The following DCP1B variants were observed in gnomAD, a reference collection of about 807,000 sequenced individuals.
The protein encoded by DCP1B is mRNA-decapping enzyme 1B.
A neutral mutation model predicts 60.5 loss-of-function variants in DCP1B; 47 were observed. The observed-to-expected ratio is 0.78, with a 90% CI of 0.61 to 0.99. DCP1B has a LOEUF of 0.99. DCP1B is among the 50% of genes least tolerant of loss of function. The pLI is 0.00. For missense variants in DCP1B, 725 were observed against 756.8 expected, an observed-to-expected ratio of 0.96 and a Z score of 0.49; for synonymous variants, 267 against 280.3, an observed-to-expected ratio of 0.95 and a Z score of 0.47.
chr12:1,951,821 G>A (rs962332272), intron 7 of DCP1B, among the ~76,000 whole-genome samples: 10 of 152,304 alleles, frequency 6.6e-5, no homozygotes, highest in African/African-American at 2.4e-4. Context: ...ATTTACTGTG[G>A]ACTGAAAAAC....
At chr12:1,952,335 G>A (rs2030704874) in intron 7 of DCP1B, 81 bp downstream of exon 7, 3 of 1,326,990 alleles carry the variant, frequency 2.3e-6, no homozygotes, top group East Asian at 4.9e-5. Context: ...CACCAAGCCT[G>A]GCTACTTTTT....
chr12:1,982,744 T>C (rs758483607), intron 3 of DCP1B, among the ~76,000 whole-genome samples: 5 of 152,146 alleles, frequency 3.3e-5, no homozygotes, highest in Non-Finnish European at 5.9e-5. Context: ...GATCAATAAT[T>C]TTCTTTTCTT....
intron 7 of DCP1B, 125 bp downstream of exon 7, chr12:1,952,291 A>G: frequency 4.2e-6 from 5 of 1,194,820 alleles, no homozygotes; most frequent in Non-Finnish European, 5.6e-6. Flanking sequence ...CTCCCACCTC[A>G]GCCTCCTCAG....
At position 1,970,141 on chromosome 12, in the gene DCP1B, T is replaced by C. The variant is rs1441678579; in HGVS notation, c.320-2231A>G. On this transcript the variant is annotated intron_variant, in intron 3 of 8. Coordinates refer to ENST00000280665, the MANE Select transcript of DCP1B (RefSeq NM_152640.5). ...ATGCCAAGAAAACTGTTGATACAAA[T>C]AGAAAAGCAGTTTGACAGTGTCATC... is the stretch of plus-strand genomic sequence containing the variant. Among the ~76,000 whole-genome samples, 4 of 152,088 alleles carry C rather than the reference T, an allele frequency of 2.6e-5. No individual in the cohort carries two copies. The East Asian group carries it at 7.7e-4, about 29-fold the overall frequency.
At chr12:1,981,473 G>A (rs1378205751) in intron 3 of DCP1B, among the ~76,000 whole-genome samples, 1 of 152,208 alleles carries the variant, frequency 6.6e-6, no homozygotes, top group Non-Finnish European at 1.5e-5. Flanking sequence ...CACTCTAACA[G>A]AGAAGCCAGG....
Position 1,946,068 on chromosome 12 carries a change from G to A in DCP1B, c.*138C>T. On this transcript the variant is annotated 3_prime_UTR_variant, in exon 9 of 9. Coordinates refer to ENST00000280665, the MANE Select transcript of DCP1B (RefSeq NM_152640.5). Reference sequence around the variant, plus strand: ...AACACTTGAGTATAAAAAAAAGTCTGAAACATTTTACTTCATATTACACAT... The same window carrying A: ...AACACTTGAGTATAAAAAAAAGTCTAAAACATTTTACTTCATATTACACAT... The A allele has an allele frequency of 1.6e-6, 1 of 627,130 alleles. No homozygotes were observed. Among genetic ancestry groups the A allele is most frequent in the Middle Eastern group, 3.3e-4 (1 of 2,996 alleles). 38.8% of individuals were successfully genotyped at this position (627,130 alleles called of 1,614,324 possible). A position where few individuals can be genotyped will look rare whatever the true frequency, so the allele number is the denominator to read the frequency against.
chr12:1,970,444 C>T (rs1300563530), intron 3 of DCP1B, among the ~76,000 whole-genome samples: 1 of 152,156 alleles, frequency 6.6e-6, no homozygotes, highest in African/African-American at 2.4e-5. Context: ...GTTCTGGCTA[C>T]CGAAAAGAGG....
intron 7 of DCP1B, chr12:1,950,293 C>T (rs2030615735): frequency 1.4e-6 from 1 of 702,166 alleles, no homozygotes; most frequent in Middle Eastern, 2.3e-4. Flanking sequence ...AGTGATGCTC[C>T]CGGAGGTGGA....
At chr12:1,991,454 A>G (rs111235089) in intron 3 of DCP1B, 6,321 of 220,808 alleles carry the variant, frequency 0.029, 158 homozygotes, top group Middle Eastern at 0.062. Flanking sequence ...CAAAGAAGCA[A>G]GTGAAATTAA....
At chr12:1,992,382 C>G (rs967590214) in intron 3 of DCP1B, 1 of 153,736 alleles carries the variant, frequency 6.5e-6, no homozygotes, top group Non-Finnish European at 1.4e-5. Context: ...TAAAATTACA[C>G]TGAATAGTAT....
At chr12:1,942,388 G>A (rs140487005), downstream of DCP1B, among the ~76,000 whole-genome samples, 408 of 152,110 alleles carry the variant, frequency 2.7e-3, 2 homozygotes, top group African/African-American at 9.1e-3. Flanking sequence ...TCAATGAGAC[G>A]GAAAATTAAC....
chr12:1,953,869 G>T (rs1200577021), intron 6 of DCP1B, among the ~76,000 whole-genome samples: 1 of 152,178 alleles, frequency 6.6e-6, no homozygotes, highest in Non-Finnish European at 1.5e-5. Flanking sequence ...TACTTCTGTT[G>T]CTTTCTGCAT....
chr12:1,999,317 T>C (rs532562075), intron 1 of DCP1B, among the ~76,000 whole-genome samples: 4 of 152,340 alleles, frequency 2.6e-5, no homozygotes, highest in Non-Finnish European at 5.9e-5. Flanking sequence ...GCACAAATCA[T>C]ATCAAGCTAT....
At chr12:2,002,904 C>T (rs2042503518) in intron 1 of DCP1B, among the ~76,000 whole-genome samples, 2 of 150,164 alleles carry the variant, frequency 1.3e-5, no homozygotes, top group Non-Finnish European at 2.9e-5. Flanking sequence ...CTCGAAAAAA[C>T]AAACAAACAA....
chr12:1,973,792 T>A (rs2033340136), intron 3 of DCP1B, among the ~76,000 whole-genome samples: 1 of 152,212 alleles, frequency 6.6e-6, no homozygotes, highest in Non-Finnish European at 1.5e-5. Flanking sequence ...AACAACTTAT[T>A]CTGCTTTGTT....
intron 5 of DCP1B, among the ~76,000 whole-genome samples, chr12:1,964,539 G>A (rs2031231257): frequency 6.6e-6 from 1 of 152,036 alleles, no homozygotes; most frequent in South Asian, 2.1e-4. Flanking sequence ...TTTTCTTCTG[G>A]TACTTGAATC....
chr12:1,966,953 C>T (rs1208509608), intron 4 of DCP1B, among the ~76,000 whole-genome samples: 3 of 152,206 alleles, frequency 2.0e-5, no homozygotes, highest in African/African-American at 7.2e-5. Context: ...CACAGAGCTA[C>T]AGTGTCATAC....
chr12:1,960,359 T>C (rs1243163058), intron 5 of DCP1B, among the ~76,000 whole-genome samples: 2 of 152,162 alleles, frequency 1.3e-5, no homozygotes, highest in Non-Finnish European at 2.9e-5. Flanking sequence ...TGAAGCACAG[T>C]AGGCTGGTAG....
At chr12:1,953,417 A>G in intron 6 of DCP1B, 129 bp from the exon 7 acceptor site, 3 of 1,154,596 alleles carry the variant, frequency 2.6e-6, no homozygotes, top group Non-Finnish European at 3.4e-6. Flanking sequence ...ATGAAAAATA[A>G]TAATAATAAA....
Sources: allele counts gnomAD v4.1 joint callset (sites outside exome capture counted in the v4.1 genomes callset), GRCh38; gene constraint gnomAD v4.1.1; transcripts MANE v1.5; gene names NCBI Gene and HGNC (gene_info 2026-07-23, HGNC 2026-07-21).